The following ABCA12 variants were observed in gnomAD, a reference collection of about 807,000 sequenced individuals.
ABCA12 encodes glucosylceramide transporter ABCA12.
In ABCA12, 156 loss-of-function variants were observed where a neutral mutation model predicts 293.5. The observed-to-expected ratio is 0.53, with a 90% CI of 0.47 to 0.61. The LOEUF (loss-of-function observed/expected upper bound fraction) is 0.61, where lower values mean the gene tolerates loss of function less well. Among genes scored for constraint, ABCA12 ranks in the 20% least tolerant of loss-of-function variants. The pLI is 0.00. For missense variants in ABCA12, 2,797 were observed against 3,090.2 expected (o/e 0.91, Z 2.25); for synonymous variants, 1,063 against 1,108.0 (o/e 0.96, Z 0.81).
At chr2:215,085,088 CAAAAA>C (rs34532043) in intron 2 of ABCA12, among the ~76,000 whole-genome samples, 1 of 95,798 alleles carries the variant, frequency 1.0e-5, no homozygotes, top group African/African-American at 3.6e-5. Flanking sequence ...ACCCTGTCTC[CAAAAA>C]AAAAAAAAAA....
intron 39 of ABCA12, chr2:214,961,942 A>G (rs1415256730): frequency 6.6e-6 from 1 of 152,186 alleles, no homozygotes; most frequent in Admixed American, 6.5e-5. Flanking sequence ...GGCATACACT[A>G]TGATGCCCAA....
intron 31 of ABCA12, among the ~76,000 whole-genome samples, chr2:214,979,586 A>G (rs1422693487): frequency 6.6e-6 from 1 of 152,004 alleles, no homozygotes; most frequent in Non-Finnish European, 1.5e-5. Context: ...ACTAATTGCC[A>G]ATATATGAAA....
intron 2 of ABCA12, among the ~76,000 whole-genome samples, chr2:215,092,258 C>G (rs1702163327): frequency 6.6e-6 from 1 of 152,112 alleles, no homozygotes. Flanking sequence ...CTGCTAGACC[C>G]CTTAAAACTC....
chr2:215,029,228 C>T (rs914888517), intron 9 of ABCA12: 7 of 152,184 alleles, frequency 4.6e-5, no homozygotes, highest in South Asian at 4.2e-4. Context: ...ATTTGTATTT[C>T]GTACATCATA....
intron 14 of ABCA12, 183 bp downstream of exon 14, chr2:215,017,825 A>G (rs572598330): frequency 1.1e-5 from 8 of 733,658 alleles, no homozygotes; most frequent in African/African-American, 1.8e-5. Flanking sequence ...ACATAGTGAT[A>G]AAATTCTTGC....
intron 7 of ABCA12, chr2:215,044,617 C>T (rs1263811260): frequency 6.6e-6 from 1 of 152,082 alleles, no homozygotes; most frequent in East Asian, 1.9e-4. Flanking sequence ...GGTGTGTTAC[C>T]ATGGAAAGAG....
chr2:215,125,150 C>T (rs773885886), intron 1 of ABCA12, among the ~76,000 whole-genome samples: 1 of 144,238 alleles, frequency 6.9e-6, no homozygotes, highest in Non-Finnish European at 1.5e-5. Flanking sequence ...CTATTCTGTT[C>T]CATTGGTCTA....
chr2:214,943,711 C>T (rs1698484575), intron 49 of ABCA12, among the ~76,000 whole-genome samples: 1 of 152,090 alleles, frequency 6.6e-6, no homozygotes, highest in South Asian at 2.1e-4. Context: ...ATTCTGTTGG[C>T]TTTCCTATTT....
chr2:215,033,117 C>G (rs1338764045), intron 8 of ABCA12, among the ~76,000 whole-genome samples: 1 of 152,116 alleles, frequency 6.6e-6, no homozygotes, highest in African/African-American at 2.4e-5. Context: ...GTGCTCTGTT[C>G]ACGATGCAGC....
rs765376515 is a variant in ABCA12, at chr2:214,980,446, T to C, written c.4740+37A>G. The C allele has an allele frequency of 4.5e-5, 72 of 1,611,622 alleles. 1 individual carries two copies. Among genetic ancestry groups the C allele is most frequent in the Non-Finnish European group, 5.8e-5 (69 of 1,179,510 alleles). On this transcript the variant is annotated intron_variant, in intron 31 of 52. Transcript: ENST00000272895. The stretch of plus-strand genomic sequence containing the variant: ...CCTATTTCATATAAAACTTAATTTA[T>C]GGTGCCATAATGAGATATATTTTCT...
At chr2:215,025,248 C>T (rs996255930) in intron 11 of ABCA12, 24 of 158,278 alleles carry the variant, frequency 1.5e-4, no homozygotes, top group East Asian at 3.7e-4. Context: ...CATTTCATGC[C>T]GAGATCTCCA....
At chr2:214,972,328 A>G (rs2105954029) in intron 36 of ABCA12, among the ~76,000 whole-genome samples, 1 of 152,314 alleles carries the variant, frequency 6.6e-6, no homozygotes, top group East Asian at 1.9e-4. Context: ...GTTATTAAAT[A>G]GTTGGAAATA....
At chr2:215,045,718 T>A in intron 7 of ABCA12, 119 bp downstream of exon 7, 1 of 921,386 alleles carries the variant, frequency 1.1e-6, no homozygotes, top group Non-Finnish European at 1.6e-6. Context: ...AATAAGAGGC[T>A]GAAGGATTAT....
Position 214,934,208 on chromosome 2 carries a change from T to A in ABCA12, c.7550A>T (p.His2517Leu). The A allele has an allele frequency of 6.2e-7, 1 of 1,613,706 alleles. No individual in the cohort carries two copies. The highest frequency in any genetic ancestry group is 2.2e-5 in the East Asian group (1 of 44,850). Residue 2517 changes from histidine (H) to leucine (L), a missense_variant, in exon 52 of 53, where the codon CAC (histidine) becomes CTC (leucine). By Grantham distance (99) the His-to-Leu change is moderately conservative (BLOSUM62 -3). Transcript: ENST00000272895. ...HFPKTYLKDQ[H>L]LSMLEYHVPV... is the part of the protein sequence containing the mutation. ...TACATGATACTCTAGCATGCTGAGGTGCTGATCCTGTGGGAACCAAAGGAA... is the reference window on the plus strand; with the variant it reads ...TACATGATACTCTAGCATGCTGAGGAGCTGATCCTGTGGGAACCAAAGGAA...
chr2:214,955,770 ATCTC>A (rs1490290136), intron 42 of ABCA12, among the ~76,000 whole-genome samples: 4 of 152,172 alleles, frequency 2.6e-5, no homozygotes, highest in Admixed American at 2.0e-4. Context: ...TTCTAACTAG[ATCTC>A]TCTTTCATTC....
intron 48 of ABCA12, among the ~76,000 whole-genome samples, chr2:214,946,514 C>T (rs114091413): frequency 0.016 from 2,384 of 152,070 alleles, 71 homozygotes; most frequent in African/African-American, 0.053. Flanking sequence ...TTATAAGCAT[C>T]GATTGGCAGA....
intron 2 of ABCA12, among the ~76,000 whole-genome samples, chr2:215,092,153 C>A (rs1362746612): frequency 6.6e-6 from 1 of 152,166 alleles, no homozygotes; most frequent in Admixed American, 6.5e-5. Context: ...CCGTTCCCTT[C>A]TTAATCAATA....
chr2:214,960,196 TAAC>T (rs1280169370), intron 39 of ABCA12, among the ~76,000 whole-genome samples: 7 of 152,086 alleles, frequency 4.6e-5, no homozygotes, highest in African/African-American at 1.2e-4. Flanking sequence ...AGCAAGAAAC[TAAC>T]AACAACAAAA....
intron 2 of ABCA12, among the ~76,000 whole-genome samples, chr2:215,081,425 G>T (rs1187247584): frequency 2.1e-5 from 3 of 145,000 alleles, no homozygotes. Context: ...GGTACAGTGA[G>T]CTGAGATCGT....
Sources: gnomAD v4.1 joint callset for allele counts (sites outside exome capture counted in the v4.1 genomes callset) on GRCh38, gnomAD v4.1.1 for gene constraint, MANE v1.5 for transcripts, NCBI Gene and HGNC (gene_info 2026-07-23, HGNC 2026-07-21) for gene names.